BAHCC1: variants seen among roughly 807,000 people sequenced by gnomAD.
The protein encoded by BAHCC1 is BAH and coiled-coil domain-containing protein 1.
BAHCC1 carries 43 observed loss-of-function variants against 88.2 expected under a neutral mutation model. The observed-to-expected ratio is 0.49, with a 90% CI of 0.38 to 0.63. The LOEUF (loss-of-function observed/expected upper bound fraction) is 0.63, where lower values mean the gene tolerates loss of function less well. Ranked by LOEUF, BAHCC1 falls within the 20% of genes least tolerant of loss-of-function variation. The pLI is 0.00. For missense variants in BAHCC1, 3,023 were observed against 1,654.8 expected, an observed-to-expected ratio of 1.83 and a Z score of -14.34; for synonymous variants, 1,510 against 745.5, an observed-to-expected ratio of 2.03 and a Z score of -16.71.
chr17:81,406,140 GC>G (rs1206469795), intron 2 of BAHCC1, among the ~76,000 whole-genome samples: 2 of 152,200 alleles, frequency 1.3e-5, no homozygotes, highest in African/African-American at 4.8e-5. Context: ...CCAAAAAGAA[GC>G]CCTCCCTCAA....
rs188704730 is a variant in BAHCC1, at chr17:81,457,147, C to G, written c.4859-263C>G. ...GAAGGGACTTTCTGGGGAGGGGGCC[C>G]CAGCCCTGCCTGGTGGGTGCCCTAT... On this transcript the variant is annotated intron_variant, in intron 16 of 27. Coordinates refer to ENST00000675386, the MANE Select transcript of BAHCC1 (RefSeq NM_001377448.1). Among the ~76,000 whole-genome samples the G allele has an allele frequency of 3.2e-4, 48 of 152,286 alleles. No individual in the cohort carries two copies. In the East Asian group the frequency reaches 8.7e-3, roughly 28 times the overall value.
intron 2 of BAHCC1, chr17:81,413,042 C>T (rs2063974609): frequency 1.7e-5 from 6 of 351,094 alleles, no homozygotes; most frequent in South Asian, 9.4e-5. Context: ...TTTCTAGAAA[C>T]GAGTCCAGGT....
At chr17:81,412,664 G>C (rs1009555907) in intron 2 of BAHCC1, among the ~76,000 whole-genome samples, 22 of 152,282 alleles carry the variant, frequency 1.4e-4, no homozygotes, top group African/African-American at 5.3e-4. Flanking sequence ...ACCTTCCCGG[G>C]GGCTCTTTCC....
rs1555651635 is a variant in BAHCC1, at chr17:81,435,710, CCCCTGGAGCCCTCCCCAGGA to C, written c.359-2657_359-2638del. On this transcript the variant is annotated intron_variant, in intron 3 of 27. Transcript: ENST00000675386. This position sits in a 1 kb window ranked among gnomAD's most constrained non-coding sequence, Gnocchi z 4.4. ...CCTGCCATCTGGGGCCTCTACTGTCCCCCTGGAGCCCTCCCCAGGACCACCACCCCCACTCCTCAGTGGCA... is the reference window on the plus strand; with the variant it reads ...CCTGCCATCTGGGGCCTCTACTGTCCCCACCACCCCCACTCCTCAGTGGCA... 6.6e-6 allele frequency among the ~76,000 whole-genome samples: 1 copy of C among 151,986 alleles called. No homozygotes were observed. The highest frequency in any genetic ancestry group is 1.5e-5 in the Non-Finnish European group (1 of 67,980).
intron 2 of BAHCC1, among the ~76,000 whole-genome samples, chr17:81,417,266 G>A (rs1225333975): frequency 6.6e-6 from 1 of 152,162 alleles, no homozygotes; most frequent in Non-Finnish European, 1.5e-5. Context: ...TCCAGCTGCG[G>A]GGGGCGGCGC....
chr17:81,456,234 C>T (rs1033244811), intron 15 of BAHCC1, 63 bp from the exon 16 acceptor site: 16 of 673,720 alleles, frequency 2.4e-5, no homozygotes, highest in African/African-American at 9.2e-5. Flanking sequence ...GGCACCTAAC[C>T]GCCCAGGGGC....
chr17:81,429,214 C>T (rs1230693183), intron 3 of BAHCC1, among the ~76,000 whole-genome samples: 2 of 152,222 alleles, frequency 1.3e-5, no homozygotes, highest in Admixed American at 6.5e-5. Context: ...GCCTCTGAGC[C>T]GCCCGCCTGG....
chr17:81,439,966 G>T (rs559439591), intron 4 of BAHCC1, among the ~76,000 whole-genome samples: 3 of 151,550 alleles, frequency 2.0e-5, no homozygotes, highest in Non-Finnish European at 4.4e-5. Context: ...TCGCCTGCAG[G>T]AGCCCGAGAT....
intron 2 of BAHCC1, among the ~76,000 whole-genome samples, chr17:81,423,763 C>A (rs2064142478): frequency 6.6e-6 from 1 of 152,128 alleles, no homozygotes; most frequent in Non-Finnish European, 1.5e-5. Context: ...CATGGCAACT[C>A]TGGGAGGCTC....
At chr17:81,405,797 T>G (rs892309520) in intron 2 of BAHCC1, among the ~76,000 whole-genome samples, 7 of 152,220 alleles carry the variant, frequency 4.6e-5, no homozygotes, top group Admixed American at 2.6e-4. Flanking sequence ...AAATGGGACC[T>G]GTCCTCTGTC....
intron 2 of BAHCC1, chr17:81,401,503 C>T (rs1204077854): frequency 6.5e-6 from 1 of 152,720 alleles, no homozygotes; most frequent in Non-Finnish European, 1.5e-5. Context: ...GGTTATCAAG[C>T]TTGTCTTCCT....
At chr17:81,425,786 TG>T (rs1555650387) in intron 2 of BAHCC1, among the ~76,000 whole-genome samples, 2 of 129,624 alleles carry the variant, frequency 1.5e-5, no homozygotes, top group African/African-American at 6.1e-5. Flanking sequence ...GGTGATGATG[TG>T]GTTGAGGGTG....
chr17:81,400,685 G>C (rs2063804776), intron 2 of BAHCC1: 1 of 153,628 alleles, frequency 6.5e-6, no homozygotes, highest in Admixed American at 6.5e-5. Flanking sequence ...TTTGCTCCAA[G>C]AGGAGAGCGT....
Position 81,465,155 on chromosome 17 carries a change from T to TGCCCTTGGGGAAGGCCCC in BAHCC1, c.*1339_*1356dup, listed in dbSNP as rs2030618515. 2 of 152,296 alleles carry TGCCCTTGGGGAAGGCCCC rather than the reference T, an allele frequency of 1.3e-5. No homozygotes were observed. Among genetic ancestry groups the TGCCCTTGGGGAAGGCCCC allele is most frequent in the Non-Finnish European group, 2.9e-5 (2 of 68,102 alleles). 9.4% of individuals were successfully genotyped at this position (152,296 alleles called of 1,614,324 possible). A position where few individuals can be genotyped will look rare whatever the true frequency, so the allele number is the denominator to read the frequency against. On this transcript the variant is annotated 3_prime_UTR_variant, in exon 28 of 28. Coordinates refer to ENST00000675386, the MANE Select transcript of BAHCC1 (RefSeq NM_001377448.1). The stretch of plus-strand genomic sequence containing the variant: ...GGAGAAGAAAATAAAACGCAGGCCC[T>TGCCCTTGGGGAAGGCCCC]GCCCTTGGGGAAGGCCCCTTTCTGG...
In BAHCC1 at chr17:81,459,615, C is replaced by T. The variant is rs1555658579; in HGVS notation, c.5905+11C>T. ...GCAACGTGGTCCGGGGTAAGTTGCA[C>T]CCAAAGCGGGGGCTGGGGCAGGCCC... is the stretch of plus-strand genomic sequence containing the variant. On this transcript the variant is annotated intron_variant, in intron 23 of 27. Transcript: ENST00000675386. The T allele has an allele frequency of 1.3e-6, 1 of 779,510 alleles. No individual in the cohort carries two copies. Among genetic ancestry groups the T allele is most frequent in the Non-Finnish European group, 2.4e-6 (1 of 417,866 alleles). The allele number at this position is 779,510 out of a possible 1,614,324, so 48.3% of individuals were successfully genotyped here. A position where few individuals can be genotyped will look rare whatever the true frequency, so the allele number is the denominator to read the frequency against.
rs782564920 is a variant in BAHCC1, at chr17:81,461,155, C to G, written c.6492C>G (p.Ser2164=). The change falls in exon 26 of 28, where the codon TCC becomes TCG. Residue 2164 remains serine, a synonymous_variant. Transcript: ENST00000675386. ...RADSFSSLAS[S]YAPFVGGTGP... ...ACTCCTTCAGCAGCCTGGCCAGCTC[C>G]TACGCGCCCTTCGTCGGGGGGACCG... 1 of 759,616 alleles carries G rather than the reference C, an allele frequency of 1.3e-6. No homozygotes were observed. Among genetic ancestry groups the G allele is most frequent in the Non-Finnish European group, 2.4e-6 (1 of 413,918 alleles). The allele number at this position is 759,616 out of a possible 1,614,324, so 47.1% of individuals were successfully genotyped here. A position where few individuals can be genotyped will look rare whatever the true frequency, so the allele number is the denominator to read the frequency against.
intron 2 of BAHCC1, among the ~76,000 whole-genome samples, chr17:81,426,337 G>T: frequency 7.4e-6 from 1 of 135,112 alleles, no homozygotes; most frequent in Non-Finnish European, 1.6e-5. Flanking sequence ...GGTTGGTGGT[G>T]ATAGTCGTGG....
intron 21 of BAHCC1, 32 bp downstream of exon 21, chr17:81,459,200 G>A (rs1555658448): frequency 3.9e-6 from 3 of 770,690 alleles, no homozygotes; most frequent in East Asian, 4.9e-5. Context: ...GCAGGGCAGG[G>A]GCCTGGAGGG....
rs1375503193 is a variant in BAHCC1, at chr17:81,463,992, G to T, written c.*175G>T. ...TCTTACGGTTTTCCCTGGAAAGAGC[G>T]CTCCAGGTGTCGGAATCCAGTCCCG... On this transcript the variant is annotated 3_prime_UTR_variant, in exon 28 of 28. Transcript: ENST00000675386. 15 of 607,912 alleles carry T rather than the reference G, an allele frequency of 2.5e-5. No individual in the cohort carries two copies. The highest frequency in any genetic ancestry group is 5.5e-5 in the African/African-American group (3 of 54,110). The allele number at this position is 607,912 out of a possible 1,614,324, so 37.7% of individuals were successfully genotyped here. A position where few individuals can be genotyped will look rare whatever the true frequency, so the allele number is the denominator to read the frequency against.
Sources: gnomAD v4.1 joint callset for allele counts (sites outside exome capture counted in the v4.1 genomes callset) on GRCh38, gnomAD v4.1.1 for gene constraint, Gnocchi (gnomAD v3.1) non-coding constraint, MANE v1.5 for transcripts, NCBI Gene and HGNC (gene_info 2026-07-23, HGNC 2026-07-21) for gene names.